SIRPA: variants seen among roughly 807,000 people sequenced by gnomAD.
SIRPA encodes the protein tyrosine-protein phosphatase non-receptor type substrate 1.
In SIRPA, 9 loss-of-function variants were observed where a neutral mutation model predicts 50.3. That is an observed-to-expected ratio of 0.18 (90% CI 0.11 to 0.31). SIRPA has a LOEUF of 0.31. SIRPA is among the 10% of genes least tolerant of loss of function. The pLI, the probability that SIRPA is intolerant of heterozygous loss-of-function variation, is 1.00. For synonymous variants in SIRPA, 265 were observed against 284.1 expected, an observed-to-expected ratio of 0.93 and a Z score of 0.68; for missense variants, 474 against 661.6, an observed-to-expected ratio of 0.72 and a Z score of 3.11.
chr20:1,922,014 A>G (rs1410823297), intron 3 of SIRPA, among the ~76,000 whole-genome samples: 11 of 152,060 alleles, frequency 7.2e-5, no homozygotes, highest in Admixed American at 7.2e-4. Context: ...GTGCTTGGTG[A>G]TTTTCTTTAT....
At chr20:1,922,234 T>G in intron 3 of SIRPA, 79 bp from the exon 4 acceptor site, 1 of 1,572,294 alleles carries the variant, frequency 6.4e-7, no homozygotes, top group Non-Finnish European at 8.7e-7. Context: ...CTCACCGTGG[T>G]GGGGGAGCTA....
At chr20:1,908,511 G>GC (rs1038348918) in intron 1 of SIRPA, among the ~76,000 whole-genome samples, 20 of 151,948 alleles carry the variant, frequency 1.3e-4, no homozygotes, top group African/African-American at 3.6e-4. Context: ...ATGATCCCTA[G>GC]CCCCCCATTC....
chr20:1,929,982 T>TC (rs1415807014), intron 6 of SIRPA, among the ~76,000 whole-genome samples: 1 of 151,686 alleles, frequency 6.6e-6, no homozygotes, highest in African/African-American at 2.4e-5. Context: ...CACACTGTGC[T>TC]CCCCCCTTCC....
intron 1 of SIRPA, among the ~76,000 whole-genome samples, chr20:1,903,106 A>G (rs2123001266): frequency 6.6e-6 from 1 of 152,064 alleles, no homozygotes; most frequent in Non-Finnish European, 1.5e-5. Context: ...GGAATGGCAG[A>G]TGCAAAGGCC....
intron 2 of SIRPA, among the ~76,000 whole-genome samples, chr20:1,916,172 C>G (rs1373714739): frequency 1.3e-5 from 2 of 152,198 alleles, no homozygotes; most frequent in African/African-American, 2.4e-5. Context: ...GAGGAGGTCT[C>G]CCTTCTAGGT....
At chr20:1,919,267 C>T (rs1209320424) in intron 2 of SIRPA, among the ~76,000 whole-genome samples, 1 of 152,258 alleles carries the variant, frequency 6.6e-6, no homozygotes. Flanking sequence ...ATTGGCCTGG[C>T]ATGGGCCTAG....
intron 2 of SIRPA, among the ~76,000 whole-genome samples, chr20:1,917,564 A>G (rs537279196): frequency 6.6e-6 from 1 of 152,164 alleles, no homozygotes; most frequent in Non-Finnish European, 1.5e-5. Context: ...AACAAGTCCT[A>G]TGGGAGTAGG....
At position 1,897,242 on chromosome 20, in the gene SIRPA, C is replaced by T. The variant is rs186488052; in HGVS notation, c.79+1716C>T. Among the ~76,000 whole-genome samples the T allele has an allele frequency of 4.9e-4, 75 of 152,342 alleles. 2 individuals are homozygous for T. Among genetic ancestry groups the T allele is most frequent in the Middle Eastern group, 6.8e-3 (2 of 294 alleles). Reference sequence around the variant, plus strand: ...GGTAAAGATTGGGCCATAAAACTTCCGTTCCAATCCATTCAGCATCAATAG... The same window carrying T: ...GGTAAAGATTGGGCCATAAAACTTCTGTTCCAATCCATTCAGCATCAATAG... On this transcript the variant is annotated intron_variant, in intron 1 of 7. Coordinates refer to ENST00000358771, the MANE Select transcript of SIRPA (RefSeq NM_001040023.2).
Position 1,927,558 on chromosome 20 carries a change from T to C in SIRPA, c.1202-317T>C, listed in dbSNP as rs1475636451. ...CCTAGGCTTGTTGGAGGGTCTCCGC[T>C]GAGGTTTGTGGTTGAATGGAGGTGA... is the stretch of plus-strand genomic sequence containing the variant. On this transcript the variant is annotated intron_variant, in intron 5 of 7. Coordinates refer to ENST00000358771, the MANE Select transcript of SIRPA (RefSeq NM_001040023.2). The surrounding 1 kb of genome is among the most constrained non-coding windows in gnomAD (Gnocchi z 6.5). 6.6e-6 allele frequency among the ~76,000 whole-genome samples: 1 copy of C among 152,184 alleles called. No homozygotes were observed. Among genetic ancestry groups the C allele is most frequent in the African/African-American group, 2.4e-5 (1 of 41,444 alleles).
At chr20:1,910,645 A>G (rs1208813615) in intron 1 of SIRPA, among the ~76,000 whole-genome samples, 1 of 152,248 alleles carries the variant, frequency 6.6e-6, no homozygotes, top group Non-Finnish European at 1.5e-5. Flanking sequence ...TCATTTAAAC[A>G]GTACACATAC....
chr20:1,918,788 G>C (rs541868667), intron 2 of SIRPA, among the ~76,000 whole-genome samples: 24 of 152,254 alleles, frequency 1.6e-4, no homozygotes, highest in African/African-American at 5.3e-4. Context: ...TGTGAGGATT[G>C]GAGAGGATGT....
intron 1 of SIRPA, among the ~76,000 whole-genome samples, chr20:1,907,239 G>C (rs963478519): frequency 1.1e-4 from 17 of 152,166 alleles, no homozygotes; most frequent in African/African-American, 3.9e-4. Flanking sequence ...TTATTTACCA[G>C]GCCACACGCA....
intron 2 of SIRPA, among the ~76,000 whole-genome samples, chr20:1,920,928 C>T (rs376354882): frequency 2.6e-5 from 4 of 152,350 alleles, no homozygotes; most frequent in African/African-American, 7.2e-5. Flanking sequence ...TGTGCCAGGC[C>T]GCCCCTCTCA....
At chr20:1,915,057 C>T in intron 1 of SIRPA, 42 bp from the exon 2 acceptor site, 1 of 1,362,354 alleles carries the variant, frequency 7.3e-7, no homozygotes. Flanking sequence ...CACAGAGGAT[C>T]ACGTAAGGAT....
chr20:1,918,891 G>A (rs1310216787), intron 2 of SIRPA, among the ~76,000 whole-genome samples: 1 of 152,108 alleles, frequency 6.6e-6, no homozygotes, highest in Non-Finnish European at 1.5e-5. Context: ...AACTGCCTGG[G>A]CCACATCCCA....
Position 1,924,606 on chromosome 20 carries a change from C to T in SIRPA, c.1088-158C>T, listed in dbSNP as rs1280859001. Among the ~76,000 whole-genome samples the T allele has an allele frequency of 6.6e-6, 1 of 152,224 alleles. No homozygotes were observed. The highest frequency in any genetic ancestry group is 1.5e-5 in the Non-Finnish European group (1 of 68,040). ...GATGAGTCTCGTGGGCAAGTGTGTA[C>T]AGACCCATGAGTGTGCCCATGTGGC... On this transcript the variant is annotated intron_variant, in intron 4 of 7. Coordinates refer to ENST00000358771, the MANE Select transcript of SIRPA (RefSeq NM_001040023.2). This position sits in a 1 kb window ranked among gnomAD's most constrained non-coding sequence, Gnocchi z 4.5.
chr20:1,921,034 C>T (rs1268877991), intron 2 of SIRPA, among the ~76,000 whole-genome samples: 7 of 152,220 alleles, frequency 4.6e-5, no homozygotes, highest in Non-Finnish European at 1.0e-4. Flanking sequence ...GAGGTTGGCA[C>T]TGTTGCCAGG....
At chr20:1,895,760 C>T (rs1174277929) in intron 1 of SIRPA, among the ~76,000 whole-genome samples, 5 of 152,230 alleles carry the variant, frequency 3.3e-5, no homozygotes, top group East Asian at 3.8e-4. Flanking sequence ...TCTGTGGACT[C>T]TGACTCTGTG....
At chr20:1,904,708 C>G (rs559242004) in intron 1 of SIRPA, among the ~76,000 whole-genome samples, 3 of 152,162 alleles carry the variant, frequency 2.0e-5, no homozygotes, top group Admixed American at 2.0e-4. Context: ...CTTTTGCCAG[C>G]GGGGAGACCT....
Sources: gnomAD v4.1 joint callset for allele counts (sites outside exome capture counted in the v4.1 genomes callset) on GRCh38, gnomAD v4.1.1 for gene constraint, Gnocchi (gnomAD v3.1) non-coding constraint, MANE v1.5 for transcripts, NCBI Gene and HGNC (gene_info 2026-07-23, HGNC 2026-07-21) for gene names.